Variants in GATC observed in about 807,000 individuals in gnomAD.
GATC encodes the protein glutamyl-tRNA(Gln) amidotransferase subunit C, mitochondrial.
Under a neutral mutation model 14.4 loss-of-function variants are expected in GATC, and 11 were observed. The ratio of observed to expected loss-of-function variants is 0.77; its 90% CI spans 0.48 to 1.27. GATC has a LOEUF of 1.27. Ranked by LOEUF, GATC falls within the 50% of genes most tolerant of loss-of-function variation. The pLI, the probability that GATC is intolerant of heterozygous loss-of-function variation, is 0.00. For synonymous variants in GATC, 76 were observed against 79.3 expected, an observed-to-expected ratio of 0.96 and a Z score of 0.22; for missense variants, 204 against 183.0, an observed-to-expected ratio of 1.11 and a Z score of -0.66.
At chr12:120,451,875 C>CTTTTTTTTTTTTCTTT (rs1592984307) in intron 2 of GATC, among the ~76,000 whole-genome samples, 21 of 90,840 alleles carry the variant, frequency 2.3e-4, no homozygotes, top group South Asian at 4.2e-4. Flanking sequence ...TATATAAATT[C>CTTTTTTTTTTTTCTTT]TTTTTTTTTT....
In GATC at chr12:120,459,894, T is replaced by C. The variant is rs142875355; in HGVS notation, c.359-13T>C. ...CAAACAAACAAAAATTCTCTTTTGT[T>C]ATTTTCAAACAGGTAATATCTCTTT... On this transcript the variant is annotated splice_polypyrimidine_tract_variant and intron_variant, in intron 3 of 3. Transcript: ENST00000551765. 7.4e-5 allele frequency: 119 copies of C among 1,607,028 alleles called. 1 individual carries two copies. In the African/African-American group the frequency reaches 1.4e-3, roughly 19 times the overall value.
chr12:120,454,695 A>T (rs1262006360), intron 2 of GATC, among the ~76,000 whole-genome samples: 3 of 151,458 alleles, frequency 2.0e-5, no homozygotes, highest in Non-Finnish European at 4.4e-5. Flanking sequence ...GATCACAGGC[A>T]TGAGGCACCG....
Position 120,446,796 on chromosome 12 carries a change from G to A in GATC, c.221G>A (p.Gly74Glu). The stretch of plus-strand genomic sequence containing the variant: ...CGGCTACGCGCCGTGGACACAGACG[G>A]GGTGGAGCCCATGGAATCGGTCCTG... ...ADRLRAVDTD[G>E]VEPMESVLED... Residue 74 changes from glycine (G) to glutamate (E), a missense_variant, in exon 2 of 4, where the codon GGG (glycine) becomes GAG (glutamate). By Grantham distance (98) the Gly-to-Glu change is moderately conservative. Transcript: ENST00000551765. The A allele has an allele frequency of 6.2e-7, 1 of 1,613,616 alleles. No homozygotes were observed.
intron 2 of GATC, among the ~76,000 whole-genome samples, chr12:120,447,076 GTTTTGT>G (rs1877894166): frequency 7.8e-6 from 1 of 128,626 alleles, no homozygotes; most frequent in Non-Finnish European, 1.6e-5. Context: ...TTGTTTGTTT[GTTTTGT>G]TTTTTTTTTT....
At chr12:120,450,186 C>T (rs1269745037) in intron 2 of GATC, among the ~76,000 whole-genome samples, 1 of 152,066 alleles carries the variant, frequency 6.6e-6, no homozygotes, top group Non-Finnish European at 1.5e-5. Context: ...GGGAAAAGGT[C>T]GTGAAAAAAG....
At chr12:120,449,985 C>T (rs1339408027) in intron 2 of GATC, among the ~76,000 whole-genome samples, 1 of 152,042 alleles carries the variant, frequency 6.6e-6, no homozygotes, top group East Asian at 1.9e-4. Context: ...TGGTCTCAAA[C>T]TCCCGACCTC....
Position 120,460,920 on chromosome 12 carries a change from G to A in GATC, c.*961G>A, listed in dbSNP as rs550439135. Reference sequence around the variant, plus strand: ...CTCGGGAGGCTGAGGCAGGAGAATGGCGTGAACCCGGGAGACGGAGCTTGC... The same window carrying A: ...CTCGGGAGGCTGAGGCAGGAGAATGACGTGAACCCGGGAGACGGAGCTTGC... On this transcript the variant is annotated 3_prime_UTR_variant, in exon 4 of 4. Transcript: ENST00000551765. 6.6e-6 allele frequency: 1 copy of A among 151,834 alleles called. No individual in the cohort carries two copies. Among genetic ancestry groups the A allele is most frequent in the Admixed American group, 6.6e-5 (1 of 15,228 alleles). 9.4% of individuals were successfully genotyped at this position (151,834 alleles called of 1,614,324 possible).
chr12:120,459,306 T>G (rs1168845768), intron 3 of GATC, among the ~76,000 whole-genome samples: 1 of 152,210 alleles, frequency 6.6e-6, no homozygotes, highest in African/African-American at 2.4e-5. Flanking sequence ...CACAGAACCT[T>G]ACTTCAGACT....
intron 2 of GATC, among the ~76,000 whole-genome samples, chr12:120,453,860 A>G (rs983686319): frequency 6.6e-6 from 1 of 151,922 alleles, no homozygotes; most frequent in Non-Finnish European, 1.5e-5. Flanking sequence ...ACAACAAAAA[A>G]CCAACCCCAG....
rs1449619966 is a variant in GATC, at chr12:120,446,825, G to A, written c.250G>A (p.Asp84Asn). 1.3e-5 allele frequency: 20 copies of A among 1,598,800 alleles called. No individual in the cohort carries two copies. The highest frequency in any genetic ancestry group is 1.5e-5 in the Non-Finnish European group (18 of 1,169,740). The change falls in exon 2 of 4, where the codon GAC becomes AAC. Residue 84 changes from aspartate (D) to asparagine (N), a missense_variant. Asp to Asn is a conservative substitution (Grantham distance 23, BLOSUM62 1). Coordinates refer to ENST00000551765, the MANE Select transcript of GATC (RefSeq NM_176818.3). Reference sequence around the variant, plus strand: ...GGAGCCCATGGAATCGGTCCTGGAGGACAGGTAAACTCGCGGCTGCAGCCC... The same window carrying A: ...GGAGCCCATGGAATCGGTCCTGGAGAACAGGTAAACTCGCGGCTGCAGCCC... The part of the protein sequence containing the change: ...GVEPMESVLE[D>N]RCLYLRSDNV...
At chr12:120,451,963 G>A (rs767976117) in intron 2 of GATC, among the ~76,000 whole-genome samples, 12 of 132,494 alleles carry the variant, frequency 9.1e-5, no homozygotes, top group Admixed American at 1.8e-4. Flanking sequence ...TGCAACCTCT[G>A]CCTCCCAGGT....
intron 2 of GATC, chr12:120,454,845 C>T: frequency 4.6e-6 from 1 of 215,904 alleles, no homozygotes; most frequent in Non-Finnish European, 1.0e-5. Flanking sequence ...TGAATACAGT[C>T]CTTGTGTTAT....
chr12:120,459,672 C>G (rs1425392566), intron 3 of GATC, among the ~76,000 whole-genome samples: 2 of 152,052 alleles, frequency 1.3e-5, no homozygotes, highest in African/African-American at 4.8e-5. Context: ...CTGGCTAACA[C>G]GGTGAAACCC....
intron 3 of GATC, 84 bp from the exon 4 acceptor site, chr12:120,459,823 C>T: frequency 1.9e-6 from 2 of 1,053,566 alleles, no homozygotes; most frequent in Non-Finnish European, 1.4e-6. Flanking sequence ...CGCCACTGCA[C>T]TCCAGCCTGG....
chr12:120,451,228 T>G (rs1179463), intron 2 of GATC, among the ~76,000 whole-genome samples: 3 of 148,894 alleles, frequency 2.0e-5, no homozygotes, highest in African/African-American at 5.0e-5. Flanking sequence ...GGGTGGATCA[T>G]GGGGTCAGGA....
intron 2 of GATC, among the ~76,000 whole-genome samples, chr12:120,455,755 G>A (rs542187079): frequency 2.6e-4 from 40 of 151,528 alleles, no homozygotes; most frequent in Non-Finnish European, 4.1e-4. Context: ...GCGCGATCTC[G>A]GCTCACTGCA....
At chr12:120,453,708 A>G (rs1878107248) in intron 2 of GATC, among the ~76,000 whole-genome samples, 1 of 151,946 alleles carries the variant, frequency 6.6e-6, no homozygotes, top group African/African-American at 2.4e-5. Context: ...AAAGCTAGGT[A>G]TGGTGGTGCA....
intron 2 of GATC, among the ~76,000 whole-genome samples, chr12:120,449,784 C>CAA (rs1877988451): frequency 1.3e-5 from 2 of 150,008 alleles, no homozygotes; most frequent in Non-Finnish European, 3.0e-5. Context: ...TTTTTAGAGA[C>CAA]AGAGTTTTGC....
rs759295143 is a variant in GATC, at chr12:120,462,051, G to A, written c.*2092G>A. The A allele has an allele frequency of 1.2e-6, 2 of 1,611,804 alleles. No individual in the cohort carries two copies. The highest frequency in any genetic ancestry group is 2.2e-5 in the South Asian group (2 of 90,954). On this transcript the variant is annotated 3_prime_UTR_variant, in exon 4 of 4. Coordinates refer to ENST00000551765, the MANE Select transcript of GATC (RefSeq NM_176818.3). ...GGCCTGAAAGGAGAGAAGTAGTGTG[G>A]GGAACCCCTGCTTTGGTATGGAGAG... is the stretch of plus-strand genomic sequence containing the variant.
Sources: allele counts gnomAD v4.1 joint callset (sites outside exome capture counted in the v4.1 genomes callset), GRCh38; gene constraint gnomAD v4.1.1; transcripts MANE v1.5; gene names NCBI Gene and HGNC (gene_info 2026-07-23, HGNC 2026-07-21).